The following TAB1 variants were observed in gnomAD, a reference collection of about 807,000 sequenced individuals.
TAB1 encodes the protein TGF-beta-activated kinase 1 and MAP3K7-binding protein 1.
Under a neutral mutation model 54.5 loss-of-function variants are expected in TAB1, and 30 were observed. That is an observed-to-expected ratio of 0.55 (90% confidence interval 0.41 to 0.75). The LOEUF is 0.75. Among genes scored for constraint, TAB1 ranks in the 30% least tolerant of loss-of-function variants. The pLI, the probability that TAB1 is intolerant of heterozygous loss-of-function variation, is 0.00. For missense variants in TAB1, 609 were observed against 683.2 expected (o/e 0.89, Z 1.21); for synonymous variants, 289 against 286.9 (o/e 1.01, Z -0.07).
At position 39,430,786 on chromosome 22, in the gene TAB1, CA is replaced by C. The variant is rs1927557430; in HGVS notation, c.*565del. On this transcript the variant is annotated 3_prime_UTR_variant, in exon 11 of 11. Transcript: ENST00000216160. ...GGTTGTGTCATCTGTTGTAAACGTT[CA>C]GGAGGACCAGGGCAGCATCTGGGGC... 1 of 995,854 alleles carries C rather than the reference CA, an allele frequency of 1.0e-6. No individual in the cohort carries two copies. Among genetic ancestry groups the C allele is most frequent in the African/African-American group, 1.7e-5 (1 of 57,730 alleles). 61.7% of individuals were successfully genotyped at this position (995,854 alleles called of 1,614,324 possible). A position where few individuals can be genotyped will look rare whatever the true frequency, so the allele number is the denominator to read the frequency against.
At chr22:39,411,494 G>C (rs1361794796) in intron 1 of TAB1, among the ~76,000 whole-genome samples, 4 of 152,180 alleles carry the variant, frequency 2.6e-5, no homozygotes, top group Non-Finnish European at 4.4e-5. Context: ...AAGATACTCA[G>C]TGTCGTTAGC....
At chr22:39,432,680 C>T, downstream of TAB1, 1 of 898,632 alleles carries the variant, frequency 1.1e-6, no homozygotes, top group Non-Finnish European at 1.3e-6. Context: ...AACTGAGGCA[C>T]AGACAGGTTC....
chr22:39,411,471 A>G (rs577226800), intron 1 of TAB1, among the ~76,000 whole-genome samples: 1 of 152,232 alleles, frequency 6.6e-6, no homozygotes, highest in Non-Finnish European at 1.5e-5. Flanking sequence ...GTTGGTGCCA[A>G]ATAAACACGT....
intron 1 of TAB1, among the ~76,000 whole-genome samples, chr22:39,409,922 G>A (rs1474527820): frequency 6.6e-6 from 1 of 152,172 alleles, no homozygotes; most frequent in Non-Finnish European, 1.5e-5. Flanking sequence ...CCAGACTGTT[G>A]CAAATGCTCA....
At chr22:39,401,021 C>G (rs1464703586) in intron 1 of TAB1, among the ~76,000 whole-genome samples, 3 of 123,744 alleles carry the variant, frequency 2.4e-5, no homozygotes, top group African/African-American at 9.9e-5. Flanking sequence ...AGCGACAGAG[C>G]GAGACTGTGT....
In TAB1 at chr22:39,419,631, G is replaced by A. The variant is rs759996215; in HGVS notation, c.776+1G>A. ...GCTACACGGACATTGACCTTCTCAG[G>A]TAGGTGCCAGCCCAGCTGTCCCCTG... On this transcript the variant is annotated splice_donor_variant, in intron 7 of 10. Coordinates refer to ENST00000216160, the MANE Select transcript of TAB1 (RefSeq NM_006116.3). LOFTEE classifies it high-confidence loss of function. The A allele has an allele frequency of 2.5e-6, 4 of 1,601,318 alleles. No individual in the cohort carries two copies. Among genetic ancestry groups the A allele is most frequent in the Non-Finnish European group, 3.4e-6 (4 of 1,170,366 alleles).
At chr22:39,433,170 G>T, downstream of TAB1, 1 of 985,392 alleles carries the variant, frequency 1.0e-6, no homozygotes, top group Non-Finnish European at 1.2e-6. Context: ...CATCAGTCTC[G>T]GCCGGGCGCG....
chr22:39,421,771 G>A, intron 7 of TAB1, 56 bp from the exon 8 acceptor site: 3 of 1,595,118 alleles, frequency 1.9e-6, no homozygotes, highest in East Asian at 2.3e-5. Context: ...AGCAGAATCA[G>A]CATCCACCTG....
chr22:39,427,448 C>A (rs553131248), intron 9 of TAB1, among the ~76,000 whole-genome samples: 1 of 152,198 alleles, frequency 6.6e-6, no homozygotes, highest in African/African-American at 2.4e-5. Context: ...TTGCTTTTTA[C>A]CTATGTCATT....
At chr22:39,401,711 T>G (rs1424980730) in intron 1 of TAB1, among the ~76,000 whole-genome samples, 8 of 152,210 alleles carry the variant, frequency 5.3e-5, no homozygotes, top group Admixed American at 5.2e-4. Context: ...TAGTTAGCTT[T>G]AAACACATTG....
intron 1 of TAB1, among the ~76,000 whole-genome samples, chr22:39,408,442 C>T (rs539345541): frequency 2.6e-5 from 4 of 152,228 alleles, no homozygotes; most frequent in Non-Finnish European, 5.9e-5. Flanking sequence ...CCTCAGTTGC[C>T]TGTTTGAGCT....
chr22:39,431,845 G>A lies in TAB1; in HGVS notation c.*1623G>A. 2 of 985,470 alleles carry A rather than the reference G, an allele frequency of 2.0e-6. No individual in the cohort carries two copies. The highest frequency in any genetic ancestry group is 2.4e-6 in the Non-Finnish European group (2 of 829,932). The allele number at this position is 985,470 out of a possible 1,614,324, so 61.0% of individuals were successfully genotyped here. A position where few individuals can be genotyped will look rare whatever the true frequency, so the allele number is the denominator to read the frequency against. ...AGGGTCACTTTTTTAATGTAGTAAAGAAGTAATAAATGGTGGCATTACACA... is the reference window on the plus strand; with the variant it reads ...AGGGTCACTTTTTTAATGTAGTAAAAAAGTAATAAATGGTGGCATTACACA... On this transcript the variant is annotated 3_prime_UTR_variant, in exon 11 of 11. Transcript: ENST00000216160.
chr22:39,415,739 G>C lies in TAB1; in HGVS notation c.324+86G>C, dbSNP rs1026716021. ...GCCCTGCACCTCTAGCATGTTGCCA[G>C]GGTTGGTGTGAAGATCCTGCCGGCC... On this transcript the variant is annotated intron_variant, in intron 3 of 10. Transcript: ENST00000216160. The surrounding 1 kb of genome is among the most constrained non-coding windows in gnomAD (Gnocchi z 4.9). The C allele has an allele frequency of 2.1e-5, 32 of 1,506,078 alleles. No individual in the cohort carries two copies. The highest frequency in any genetic ancestry group is 2.0e-4 in the Middle Eastern group (1 of 5,072). 93.3% of individuals were successfully genotyped at this position (1,506,078 alleles called of 1,614,324 possible). A position where few individuals can be genotyped will look rare whatever the true frequency, so the allele number is the denominator to read the frequency against.
At chr22:39,424,047 T>C (rs1177953911) in intron 8 of TAB1, among the ~76,000 whole-genome samples, 1 of 152,118 alleles carries the variant, frequency 6.6e-6, no homozygotes, top group Non-Finnish European at 1.5e-5. Flanking sequence ...TATATCACTC[T>C]GTATGCCTGT....
chr22:39,433,898 G>A (rs767133163), downstream of TAB1: 228 of 811,556 alleles, frequency 2.8e-4, no homozygotes, highest in Non-Finnish European at 3.1e-4. Context: ...CCCCCTGCCC[G>A]TCTCCCTGTT....
intron 1 of TAB1, among the ~76,000 whole-genome samples, chr22:39,411,894 A>AAG (rs377146916): frequency 2.0e-4 from 31 of 152,126 alleles, no homozygotes; most frequent in Non-Finnish European, 3.8e-4. Context: ...TACTCTATGA[A>AAG]AGAGAGAGAG....
chr22:39,415,117 C>T lies in TAB1; in HGVS notation c.145C>T (p.Pro49Ser). 4 of 1,599,180 alleles carry T rather than the reference C, an allele frequency of 2.5e-6. No individual in the cohort carries two copies. Among genetic ancestry groups the T allele is most frequent in the Non-Finnish European group, 3.4e-6 (4 of 1,170,032 alleles). ...ADGKGTESHP[P>S]EDSWLKFRSE... Reference sequence around the variant, plus strand: ...TGGCAAGGGCACTGAGAGCCACCCGCCAGAGGACAGCTGGCTCAAGTTCAG... The same window carrying T: ...TGGCAAGGGCACTGAGAGCCACCCGTCAGAGGACAGCTGGCTCAAGTTCAG... Residue 49 changes from proline (P) to serine (S), a missense_variant, in exon 2 of 11, where the codon CCA (proline) becomes TCA (serine). Transcript: ENST00000216160. This position sits in a 1 kb window ranked among gnomAD's most constrained non-coding sequence, Gnocchi z 4.9.
downstream of TAB1, chr22:39,436,547 C>T: frequency 4.3e-6 from 7 of 1,614,114 alleles, no homozygotes; most frequent in Non-Finnish European, 5.9e-6. Flanking sequence ...AACTAAACCT[C>T]CTGGGCAGCC....
rs770915215 is a variant in TAB1 at position 39,428,002 on chromosome 22, C to T, written c.1145-19C>T. ...CTCCTCAGCTGCTGCCTGAGGCCCCCACTCTCTTCCTCCCAAAGCTGCAGG... is the reference window on the plus strand; with the variant it reads ...CTCCTCAGCTGCTGCCTGAGGCCCCTACTCTCTTCCTCCCAAAGCTGCAGG... On this transcript the variant is annotated intron_variant, in intron 9 of 10. Transcript: ENST00000216160. 1 of 1,564,162 alleles carries T rather than the reference C, an allele frequency of 6.4e-7. No homozygotes were observed. The highest frequency in any genetic ancestry group is 8.7e-7 in the Non-Finnish European group (1 of 1,145,534).
Sources: gnomAD v4.1 joint callset for allele counts (sites outside exome capture counted in the v4.1 genomes callset) on GRCh38, gnomAD v4.1.1 for gene constraint, Gnocchi (gnomAD v3.1) non-coding constraint, MANE v1.5 for transcripts, NCBI Gene and HGNC (gene_info 2026-07-23, HGNC 2026-07-21) for gene names.